CERKL: variants seen among roughly 807,000 people sequenced by gnomAD.
The protein encoded by CERKL is ceramide kinase-like protein.
A neutral mutation model predicts 63.4 loss-of-function variants in CERKL; 61 were observed. That is an observed-to-expected ratio of 0.96 (90% CI 0.78 to 1.19). The LOEUF (loss-of-function observed/expected upper bound fraction) is 1.19. Among genes scored for constraint, CERKL ranks in the 50% most tolerant of loss-of-function variants. The pLI, the probability that CERKL is intolerant of heterozygous loss-of-function variation, is 0.00. For synonymous variants in CERKL, 250 were observed against 230.5 expected (o/e 1.08, Z -0.77); for missense variants, 675 against 655.5 (o/e 1.03, Z -0.33).
intron 12 of CERKL, 144 bp from the exon 13 acceptor site, chr2:181,538,388 A>G (rs1260826871): frequency 3.3e-6 from 2 of 613,350 alleles, no homozygotes; most frequent in African/African-American, 1.9e-5. Context: ...GAAAACTGAG[A>G]AGGTCTGATT....
chr2:181,580,817 A>G (rs1684470599), intron 2 of CERKL, among the ~76,000 whole-genome samples: 1 of 152,140 alleles, frequency 6.6e-6, no homozygotes, highest in Non-Finnish European at 1.5e-5. Context: ...AAATAGTTTA[A>G]ATAGTATAGA....
intron 2 of CERKL, among the ~76,000 whole-genome samples, chr2:181,579,723 A>G (rs1323332536): frequency 6.6e-6 from 1 of 151,818 alleles, no homozygotes; most frequent in Non-Finnish European, 1.5e-5. Context: ...TTATGGTCTC[A>G]ATTTTATATT....
At chr2:181,566,793 G>A (rs1198139540) in intron 3 of CERKL, among the ~76,000 whole-genome samples, 1 of 152,106 alleles carries the variant, frequency 6.6e-6, no homozygotes, top group Non-Finnish European at 1.5e-5. Context: ...GTGAAGACAG[G>A]ATAAACGGGC....
chr2:181,561,952 T>C (rs1320667257), intron 4 of CERKL, among the ~76,000 whole-genome samples: 1 of 152,174 alleles, frequency 6.6e-6, no homozygotes, highest in Non-Finnish European at 1.5e-5. Context: ...TAGCTGAGAC[T>C]ACAGGCACAC....
intron 3 of CERKL, 35 bp downstream of exon 3, chr2:181,573,718 G>C: frequency 6.3e-7 from 1 of 1,593,658 alleles, no homozygotes; most frequent in Non-Finnish European, 8.6e-7. Context: ...GTATGTTTTT[G>C]TAGATGGTGA....
At chr2:181,612,003 T>G (rs1685987931) in intron 1 of CERKL, among the ~76,000 whole-genome samples, 1 of 152,234 alleles carries the variant, frequency 6.6e-6, no homozygotes, top group South Asian at 2.1e-4. Flanking sequence ...ATAATGAACA[T>G]GTGTTACACA....
At position 181,577,785 on chromosome 2, in the gene CERKL, A is replaced by AG. The variant is rs375038013; in HGVS notation, c.482-3902dup. ...TTGCAGCAGTTATGGTTGGCGAGTA[A>AG]GGCAGTAGGGGGAAGGGGTCTTGTC... is the stretch of plus-strand genomic sequence containing the variant. On this transcript the variant is annotated intron_variant, in intron 2 of 12. Coordinates refer to ENST00000410087, the MANE Select transcript of CERKL (RefSeq NM_201548.5). 1.7e-3 allele frequency among the ~76,000 whole-genome samples: 266 copies of AG among 152,204 alleles called. 2 individuals carry two copies. The highest frequency in any genetic ancestry group is 5.7e-3 in the African/African-American group (237 of 41,528).
At chr2:181,595,070 T>C (rs1380549902) in intron 2 of CERKL, among the ~76,000 whole-genome samples, 24 of 152,338 alleles carry the variant, frequency 1.6e-4, no homozygotes, top group Middle Eastern at 3.4e-3. Flanking sequence ...TATTAAGTGA[T>C]AATCCATTAT....
intron 1 of CERKL, among the ~76,000 whole-genome samples, chr2:181,640,788 A>C (rs948293892): frequency 6.6e-6 from 1 of 151,952 alleles, no homozygotes; most frequent in East Asian, 1.9e-4. Flanking sequence ...ACTTTGGACA[A>C]CCCCATCTGG....
chr2:181,623,728 A>G (rs1686558742), intron 1 of CERKL, among the ~76,000 whole-genome samples: 1 of 152,148 alleles, frequency 6.6e-6, no homozygotes, highest in South Asian at 2.1e-4. Context: ...CAATTCTGAA[A>G]TCCCCAAAGC....
At chr2:181,640,311 T>C (rs574227743) in intron 1 of CERKL, among the ~76,000 whole-genome samples, 1 of 152,292 alleles carries the variant, frequency 6.6e-6, no homozygotes, top group South Asian at 2.1e-4. Flanking sequence ...AGTTCCTTCC[T>C]GTTGCTCACC....
chr2:181,564,972 C>T (rs1447367750), intron 4 of CERKL, among the ~76,000 whole-genome samples: 1 of 152,126 alleles, frequency 6.6e-6, no homozygotes, highest in Non-Finnish European at 1.5e-5. Context: ...TATAATATTG[C>T]TATCTAGATT....
intron 2 of CERKL, among the ~76,000 whole-genome samples, chr2:181,601,688 A>G (rs1281425538): frequency 6.6e-6 from 1 of 152,260 alleles, no homozygotes; most frequent in Non-Finnish European, 1.5e-5. Context: ...TGTGGGGAGT[A>G]GGATAAGGAG....
In CERKL at chr2:181,548,341, AG is replaced by A. The variant is rs200731342; in HGVS notation, c.1133+203del. On this transcript the variant is annotated intron_variant, in intron 8 of 12. Coordinates refer to ENST00000410087, the MANE Select transcript of CERKL (RefSeq NM_201548.5). ...AGGGAGGGAGAGACAGGGGGAAGGA[AG>A]GGAGGAAAGAAGGAAGGAAAAAGAG... 7.1e-3 allele frequency: 4,147 copies of A among 587,162 alleles called. 111 individuals are homozygous for A. Among genetic ancestry groups the A allele is most frequent in the African/African-American group, 0.064 (3,400 of 53,274 alleles). 36.4% of individuals were successfully genotyped at this position (587,162 alleles called of 1,614,324 possible).
chr2:181,642,074 A>G (rs1186284527), intron 1 of CERKL, among the ~76,000 whole-genome samples: 1 of 152,240 alleles, frequency 6.6e-6, no homozygotes, highest in Non-Finnish European at 1.5e-5. Context: ...GAGTCTTTGC[A>G]TACATCTTAA....
intron 1 of CERKL, among the ~76,000 whole-genome samples, chr2:181,645,519 A>G (rs937980636): frequency 2.0e-5 from 3 of 152,186 alleles, no homozygotes; most frequent in Admixed American, 6.5e-5. Flanking sequence ...TCTGGCTTAA[A>G]GTTGGCTTTG....
chr2:181,537,140 G>A lies in CERKL; in HGVS notation c.*1044C>T, dbSNP rs16867441. On this transcript the variant is annotated 3_prime_UTR_variant, in exon 13 of 13. Transcript: ENST00000410087. ...ATGTATTTTTAAAAAACTTTGTATC[G>A]TTATAAAAAGGCTAGTCATTCTTTC... 2,960 of 453,524 alleles carry A rather than the reference G, an allele frequency of 6.5e-3. 71 individuals are homozygous for A. Among genetic ancestry groups the A allele is most frequent in the African/African-American group, 0.053 (2,665 of 50,002 alleles). The allele number at this position is 453,524 out of a possible 1,614,324, so 28.1% of individuals were successfully genotyped here.
rs757419963 is a variant in CERKL at position 181,537,422 on chromosome 2, CTTACT to C, written c.*757_*761del. On this transcript the variant is annotated 3_prime_UTR_variant, in exon 13 of 13. Coordinates refer to ENST00000410087, the MANE Select transcript of CERKL (RefSeq NM_201548.5). Reference sequence around the variant, plus strand: ...AGTTCAAAATAGTATTTGTTATCAACTTACTTTGTTACTTGTATCATGAATTTTAA... The same window carrying C: ...AGTTCAAAATAGTATTTGTTATCAACTTGTTACTTGTATCATGAATTTTAA... 2.6e-5 allele frequency: 12 copies of C among 453,904 alleles called. 1 individual carries two copies. The highest frequency in any genetic ancestry group is 1.9e-4 in the South Asian group (12 of 64,450). The allele number at this position is 453,904 out of a possible 1,614,324, so 28.1% of individuals were successfully genotyped here.
In CERKL at chr2:181,547,677, G is replaced by A. The variant is rs1687788714; in HGVS notation, c.1209C>T (p.Ser403=). Residue 403 remains serine, a synonymous_variant, in exon 10 of 13, where the codon AGC becomes AGT. Transcript: ENST00000410087. The stretch of plus-strand genomic sequence containing the variant: ...AACACAGGCAAGGAATTGCCATAAT[G>A]CTGACATTCAAGAACTGACCCTGGA... ...QMIQGQFLNV[S]IMAIPCLCSV... is the part of the protein sequence containing the mutation. 1 of 1,613,936 alleles carries A rather than the reference G, an allele frequency of 6.2e-7. No individual in the cohort carries two copies. Among genetic ancestry groups the A allele is most frequent in the African/African-American group, 1.3e-5 (1 of 74,908 alleles).
Sources: allele counts gnomAD v4.1 joint callset (sites outside exome capture counted in the v4.1 genomes callset), GRCh38; gene constraint gnomAD v4.1.1; transcripts MANE v1.5; gene names NCBI Gene and HGNC (gene_info 2026-07-23, HGNC 2026-07-21).